RNMT: variants seen among roughly 807,000 people sequenced by gnomAD.
The protein encoded by RNMT is RNA guanine-7 methyltransferase, also known as mRNA cap guanine-N(7) methyltransferase.
RNMT carries 27 observed loss-of-function variants against 56.0 expected under a neutral mutation model. The observed-to-expected ratio is 0.48, with a 90% CI of 0.36 to 0.67. RNMT has a LOEUF of 0.67. Among genes scored for constraint, RNMT ranks in the 30% least tolerant of loss-of-function variants. The pLI is 0.00. For missense variants in RNMT, 519 were observed against 552.1 expected (o/e 0.94, Z 0.60); for synonymous variants, 184 against 176.2 (o/e 1.04, Z -0.35).
At chr18:13,752,511 G>C in intron 10 of RNMT, 84 bp downstream of exon 10, 2 of 837,246 alleles carry the variant, frequency 2.4e-6, no homozygotes, top group South Asian at 3.1e-5. Flanking sequence ...GATTTCACTT[G>C]TTTACAATAC....
rs545518623 is a variant in RNMT, at chr18:13,757,842, A to G, written c.1394-2100A>G. On this transcript the variant is annotated intron_variant, in intron 11 of 11. Transcript: ENST00000383314. ...AGATCCATCAGAGGAATCACTATCT[A>G]TGGCAGCTATAGCCTTACAAAATGT... Among the ~76,000 whole-genome samples the G allele has an allele frequency of 5.3e-5, 8 of 152,328 alleles. No homozygotes were observed. The East Asian group carries it at 7.7e-4, about 15-fold the overall frequency.
intron 8 of RNMT, among the ~76,000 whole-genome samples, chr18:13,745,946 T>G (rs993333438): frequency 2.6e-5 from 4 of 152,162 alleles, no homozygotes; most frequent in African/African-American, 9.7e-5. Context: ...TTCCTACACT[T>G]TTTCCGCATC....
At chr18:13,736,882 C>T in intron 4 of RNMT, 128 bp from the exon 5 acceptor site, 2 of 682,496 alleles carry the variant, frequency 2.9e-6, no homozygotes, top group East Asian at 2.8e-5. Context: ...TTACAAATTA[C>T]ATAAATGGAT....
intron 6 of RNMT, 110 bp downstream of exon 6, chr18:13,740,389 T>G: frequency 1.5e-6 from 1 of 653,268 alleles, no homozygotes; most frequent in South Asian, 2.0e-5. Flanking sequence ...TTACTCTTAT[T>G]TTTTGAGACA....
chr18:13,755,687 A>C (rs762764608), intron 11 of RNMT, among the ~76,000 whole-genome samples: 1 of 152,220 alleles, frequency 6.6e-6, no homozygotes, highest in Non-Finnish European at 1.5e-5. Context: ...TTATACACAT[A>C]CGATCATGCT....
intron 1 of RNMT, among the ~76,000 whole-genome samples, chr18:13,728,995 G>C (rs1476440075): frequency 2.0e-5 from 3 of 152,072 alleles, no homozygotes; most frequent in African/African-American, 7.2e-5. Context: ...CCATTTGTCT[G>C]TTTTTGCTTT....
chr18:13,733,980 C>T (rs951731320), intron 3 of RNMT, among the ~76,000 whole-genome samples: 1 of 152,188 alleles, frequency 6.6e-6, no homozygotes, highest in Non-Finnish European at 1.5e-5. Context: ...TCTCATAATT[C>T]CCACATGTGT....
intron 9 of RNMT, among the ~76,000 whole-genome samples, chr18:13,750,095 A>G (rs757159151): frequency 1.3e-5 from 2 of 152,174 alleles, no homozygotes; most frequent in African/African-American, 2.4e-5. Flanking sequence ...TGCAGATACT[A>G]TAAAGGGATA....
chr18:13,731,423 T>C (rs1336106231), intron 2 of RNMT, 53 bp from the exon 3 acceptor site: 1 of 762,728 alleles, frequency 1.3e-6, no homozygotes, highest in African/African-American at 1.9e-5. Flanking sequence ...AAAAAAAAAA[T>C]TGTTTTAAAG....
At chr18:13,754,996 G>T (rs773189334) in intron 11 of RNMT, among the ~76,000 whole-genome samples, 3 of 152,222 alleles carry the variant, frequency 2.0e-5, no homozygotes, top group African/African-American at 7.2e-5. Flanking sequence ...TCAGCAGTGG[G>T]TGTTGAGGAA....
chr18:13,736,593 C>T (rs754091443), intron 4 of RNMT, among the ~76,000 whole-genome samples: 3 of 150,094 alleles, frequency 2.0e-5, no homozygotes, highest in East Asian at 2.0e-4. Context: ...GATTTACTTA[C>T]GTGTCTACTG....
chr18:13,749,505 G>A (rs190552057), intron 9 of RNMT, among the ~76,000 whole-genome samples: 24 of 152,270 alleles, frequency 1.6e-4, no homozygotes, highest in African/African-American at 5.8e-4. Flanking sequence ...AGACAAAGAA[G>A]ATTGCAAAGC....
At position 13,760,876 on chromosome 18, in the gene RNMT, C is replaced by T. The variant is rs2044610517; in HGVS notation, c.*897C>T. On this transcript the variant is annotated 3_prime_UTR_variant, in exon 12 of 12. Transcript: ENST00000383314. ...AGCAATACTTGTTCCTCTGTTACAA[C>T]CTCAGCACTTTGCACCGTAGGAGCC... The T allele has an allele frequency of 1.0e-6, 1 of 985,298 alleles. No individual in the cohort carries two copies. The highest frequency in any genetic ancestry group is 6.1e-5 in the Admixed American group (1 of 16,266). The allele number at this position is 985,298 out of a possible 1,614,324, so 61.0% of individuals were successfully genotyped here.
intron 11 of RNMT, among the ~76,000 whole-genome samples, chr18:13,758,130 C>T (rs2044573089): frequency 6.6e-6 from 1 of 152,152 alleles, no homozygotes; most frequent in Non-Finnish European, 1.5e-5. Context: ...AGGCTTTGTT[C>T]CATTTATAGA....
At chr18:13,747,793 G>C (rs577207565) in intron 9 of RNMT, among the ~76,000 whole-genome samples, 1 of 152,092 alleles carries the variant, frequency 6.6e-6, no homozygotes, top group East Asian at 1.9e-4. Context: ...GTTTTTATTG[G>C]CTTTATATTA....
At chr18:13,751,079 C>T (rs886995450) in intron 9 of RNMT, among the ~76,000 whole-genome samples, 1 of 152,092 alleles carries the variant, frequency 6.6e-6, no homozygotes, top group Admixed American at 6.5e-5. Flanking sequence ...ACTAAAACAC[C>T]AAAAGCAATT....
In RNMT at chr18:13,734,470, G is replaced by A. The variant is rs774993545; in HGVS notation, c.424G>A (p.Glu142Lys). 1.2e-6 allele frequency: 2 copies of A among 1,601,426 alleles called. No individual in the cohort carries two copies. The highest frequency in any genetic ancestry group is 1.1e-5 in the South Asian group (1 of 88,052). Residue 142 changes from glutamate (E) to lysine (K), a missense_variant, in exon 4 of 12, where the codon GAA (glutamate) becomes AAA (lysine). Glu to Lys is a moderately conservative substitution (Grantham distance 56). Coordinates refer to ENST00000383314, the MANE Select transcript of RNMT (RefSeq NM_003799.3). Reference sequence around the variant, plus strand: ...TATTCTCTTTTATTTTCAGAATCTGGAAGAAGGACACAGCTCAACAGTGGC... The same window carrying A: ...TATTCTCTTTTATTTTCAGAATCTGAAAGAAGGACACAGCTCAACAGTGGC... ...EDVPEKQKNLEEGHSSTVAAH... is the reference protein window; with the variant it reads ...EDVPEKQKNLKEGHSSTVAAH...
At position 13,752,201 on chromosome 18, in the gene RNMT, T is replaced by A. The variant is rs2044460894; in HGVS notation, c.1258-125T>A. On this transcript the variant is annotated intron_variant, in intron 9 of 11. Transcript: ENST00000383314. ...TTCTGTATTTCAAAAGTATGTATAG[T>A]TTGTATTCCTGAAGTAGTACTTACG... The A allele has an allele frequency of 7.9e-6, 5 of 629,488 alleles. No individual in the cohort carries two copies. In the South Asian group the frequency reaches 8.6e-5, roughly 11 times the overall value. 39.0% of individuals were successfully genotyped at this position (629,488 alleles called of 1,614,324 possible). A position where few individuals can be genotyped will look rare whatever the true frequency, so the allele number is the denominator to read the frequency against.
intron 8 of RNMT, among the ~76,000 whole-genome samples, chr18:13,745,622 C>T (rs1220166784): frequency 6.6e-6 from 1 of 152,022 alleles, no homozygotes; most frequent in Admixed American, 6.6e-5. Context: ...GTGAAGATTT[C>T]TAATAAGCAG....
Sources: gnomAD v4.1 joint callset for allele counts (sites outside exome capture counted in the v4.1 genomes callset) on GRCh38, gnomAD v4.1.1 for gene constraint, MANE v1.5 for transcripts, NCBI Gene and HGNC (gene_info 2026-07-23, HGNC 2026-07-21) for gene names.